FRMPD3: variants seen among roughly 807,000 people sequenced by gnomAD.
FRMPD3 encodes the protein FERM and PDZ domain containing 3.
A neutral mutation model predicts 97.9 loss-of-function variants in FRMPD3; 42 were observed. The observed-to-expected ratio is 0.43, with a 90% CI of 0.34 to 0.55. FRMPD3 has a LOEUF of 0.55. Ranked by LOEUF, FRMPD3 falls within the 20% of genes least tolerant of loss-of-function variation. The pLI, the probability that FRMPD3 is intolerant of heterozygous loss-of-function variation, is 0.03. For synonymous variants in FRMPD3, 577 were observed against 581.1 expected, an observed-to-expected ratio of 0.99 and a Z score of 0.10; for missense variants, 1,303 against 1,457.7, an observed-to-expected ratio of 0.89 and a Z score of 1.73.
chrX:107,522,500 AG>A (rs760243195), intron 1 of FRMPD3: 182 of 538,426 alleles, frequency 3.4e-4, no homozygotes, highest in South Asian at 4.9e-4. Context: ...GGGAGCAGGT[AG>A]GGGGTGCTGC....
chrX:107,502,591 G>A (rs921028392), intron 1 of FRMPD3, among the ~76,000 whole-genome samples: 1 of 110,464 alleles, frequency 9.1e-6, no homozygotes, highest in African/African-American at 3.3e-5. Context: ...AAACAACCAG[G>A]GTCCATCTGA....
Position 107,532,456 on chromosome X carries a change from T to C in FRMPD3, c.252-1049T>C, listed in dbSNP as rs144598673. Among the ~76,000 whole-genome samples, 808 of 112,496 alleles carry C rather than the reference T, an allele frequency of 7.2e-3. 3 individuals are homozygous for C. Among genetic ancestry groups the C allele is most frequent in the Non-Finnish European group, 0.012 (637 of 53,235 alleles). On this transcript the variant is annotated intron_variant, in intron 3 of 14. Coordinates refer to ENST00000683843, the MANE Select transcript of FRMPD3 (RefSeq NM_001388459.1). ...GAACCTTTGAAGCCACCATAGGGAC[T>C]GTGGCTTTGTTATAAATGAAATGGG...
intron 3 of FRMPD3, among the ~76,000 whole-genome samples, chrX:107,532,977 C>G (rs1923031502): frequency 9.0e-6 from 1 of 111,605 alleles, no homozygotes; most frequent in Non-Finnish European, 1.9e-5. Context: ...TCTGTTGCTC[C>G]CTGGCTCTCT....
intron 1 of FRMPD3, among the ~76,000 whole-genome samples, chrX:107,475,921 G>C (rs1921185447): frequency 8.9e-6 from 1 of 112,111 alleles, no homozygotes; most frequent in East Asian, 2.8e-4. Flanking sequence ...GCCTTGCTTT[G>C]TCGCCAGGCT....
chrX:107,540,190 G>A (rs1282935217), intron 4 of FRMPD3, among the ~76,000 whole-genome samples: 3 of 111,756 alleles, frequency 2.7e-5, no homozygotes, highest in Non-Finnish European at 3.8e-5. Flanking sequence ...AGTGTGGGAA[G>A]GAAGGCCCCC....
In FRMPD3 at chrX:107,602,809, C is replaced by T. The variant is rs1347885318; in HGVS notation, c.4770C>T (p.Gly1590=). 2 of 1,209,023 alleles carry T rather than the reference C, an allele frequency of 1.7e-6. No homozygotes were observed. Among genetic ancestry groups the T allele is most frequent in the African/African-American group, 3.5e-5 (2 of 57,677 alleles). Reference sequence around the variant, plus strand: ...CCCATGCCTATGGCCTCCCTGATGGCTTCCTGGCTGCCCGGCTGGACACCA... The same window carrying T: ...CCCATGCCTATGGCCTCCCTGATGGTTTCCTGGCTGCCCGGCTGGACACCA... ...LRAHAYGLPD[G]FLAARLDTNE... is the part of the protein sequence containing the mutation. The change falls in exon 15 of 15, where the codon GGC becomes GGT. Residue 1590 remains glycine (G), a synonymous_variant. Transcript: ENST00000683843.
intron 8 of FRMPD3, chrX:107,554,795 C>A: frequency 3.6e-6 from 1 of 281,459 alleles, no homozygotes; most frequent in African/African-American, 2.6e-5. Context: ...TAAAGTTTAA[C>A]AAGCCCATTT....
At chrX:107,514,627 G>A (rs1425762810) in intron 1 of FRMPD3, among the ~76,000 whole-genome samples, 13 of 108,261 alleles carry the variant, frequency 1.2e-4, no homozygotes, top group Non-Finnish European at 2.3e-4. Context: ...CTGAGTTCAA[G>A]TGATTCTCCT....
intron 10 of FRMPD3, 62 bp from the exon 11 acceptor site, chrX:107,563,049 C>A: frequency 1.1e-6 from 1 of 912,833 alleles, no homozygotes; most frequent in Non-Finnish European, 1.6e-6. Context: ...TCGTTGAGAA[C>A]ATGGGTTTGC....
At chrX:107,463,848 TC>T (rs1304336637) in intron 1 of FRMPD3, among the ~76,000 whole-genome samples, 2 of 112,418 alleles carry the variant, frequency 1.8e-5, no homozygotes, top group Non-Finnish European at 3.8e-5. Flanking sequence ...GATTAGTTTA[TC>T]AGATTAACTA....
intron 1 of FRMPD3, among the ~76,000 whole-genome samples, chrX:107,451,270 C>T (rs1480296384): frequency 1.8e-5 from 2 of 112,321 alleles, no homozygotes; most frequent in African/African-American, 6.5e-5. Context: ...CTCCTGCCTT[C>T]GGAGGAACTG....
intron 1 of FRMPD3, among the ~76,000 whole-genome samples, chrX:107,461,762 C>CATATACAT (rs1187982888): frequency 1.8e-4 from 12 of 67,911 alleles, no homozygotes; most frequent in African/African-American, 8.4e-4. Flanking sequence ...ATTCATTATA[C>CATATACAT]ATATACATAT....
intron 1 of FRMPD3, among the ~76,000 whole-genome samples, chrX:107,488,123 G>A (rs1393051761): frequency 9.0e-6 from 1 of 111,196 alleles, no homozygotes; most frequent in African/African-American, 3.3e-5. Context: ...TCTTTCCTCC[G>A]TTGCCTTGGC....
rs186034046 is a variant in FRMPD3, at chrX:107,483,425, A to G, written c.-8+33420A>G. Among the ~76,000 whole-genome samples the G allele has an allele frequency of 5.0e-4, 56 of 112,125 alleles. No individual in the cohort carries two copies. The South Asian group carries it at 5.2e-3, about 11-fold the overall frequency. ...CATCCCTAGGCTCCTAACTTCCCCC[A>G]CTGAGGCTCTTCCAGTGTACCCTGG... is the stretch of plus-strand genomic sequence containing the variant. On this transcript the variant is annotated intron_variant, in intron 1 of 14. Coordinates refer to ENST00000683843, the MANE Select transcript of FRMPD3 (RefSeq NM_001388459.1).
At chrX:107,571,195 T>A (rs911899241) in intron 12 of FRMPD3, among the ~76,000 whole-genome samples, 2 of 111,874 alleles carry the variant, frequency 1.8e-5, no homozygotes, top group Non-Finnish European at 1.9e-5. Context: ...TATTCTCATG[T>A]TTGAGCTTTA....
chrX:107,577,963 G>C (rs894851145), intron 13 of FRMPD3, among the ~76,000 whole-genome samples: 1 of 111,906 alleles, frequency 8.9e-6, no homozygotes, highest in Non-Finnish European at 1.9e-5. Context: ...TAAGAAACCA[G>C]GGGGCTGAGT....
intron 8 of FRMPD3, 195 bp downstream of exon 8, chrX:107,554,699 T>C (rs1922004686): frequency 2.2e-6 from 1 of 445,771 alleles, no homozygotes; most frequent in East Asian, 3.9e-5. Context: ...TGGCTGTGGC[T>C]CAAAGTCCTG....
chrX:107,570,084 AAG>A (rs376234647), intron 12 of FRMPD3, among the ~76,000 whole-genome samples: 3 of 101,820 alleles, frequency 2.9e-5, no homozygotes, highest in Non-Finnish European at 5.9e-5. Context: ...AAAGGAAGGA[AAG>A]AGAGAAAGAA....
intron 14 of FRMPD3, among the ~76,000 whole-genome samples, chrX:107,599,855 T>C (rs1311453238): frequency 9.0e-6 from 1 of 111,019 alleles, no homozygotes; most frequent in East Asian, 2.8e-4. Context: ...TGTCTGTTTT[T>C]CTCCAGCTGG....
Sources: allele counts gnomAD v4.1 joint callset (sites outside exome capture counted in the v4.1 genomes callset), GRCh38; gene constraint gnomAD v4.1.1; transcripts MANE v1.5; gene names NCBI Gene and HGNC (gene_info 2026-07-23, HGNC 2026-07-21).